FAM200B: variants seen among roughly 807,000 people sequenced by gnomAD.
FAM200B encodes zinc finger BED-type containing 11, also known as protein FAM200B.
A neutral mutation model predicts 33.1 loss-of-function variants in FAM200B; 32 were observed. That is an observed-to-expected ratio of 0.97 (90% CI 0.73 to 1.30). The LOEUF (loss-of-function observed/expected upper bound fraction) is 1.30, where lower values mean the gene tolerates loss of function less well. Ranked by LOEUF, FAM200B falls within the 50% of genes most tolerant of loss-of-function variation. The pLI, the probability that FAM200B is intolerant of heterozygous loss-of-function variation, is 0.00. For missense variants in FAM200B, 741 were observed against 754.0 expected (o/e 0.98, Z 0.20); for synonymous variants, 240 against 264.8 (o/e 0.91, Z 0.91).
chr4:15,676,661 G>A, the FAM200B span, among the ~76,000 whole-genome samples: 12 of 152,064 alleles, frequency 7.9e-5, no homozygotes, highest in Middle Eastern at 3.4e-3. Flanking sequence ...TGAGAGAAGG[G>A]TAGAGTGTGT....
chr4:15,656,352 TAGAG>T, the FAM200B span: 4 of 451,066 alleles, frequency 8.9e-6, no homozygotes, highest in African/African-American at 2.0e-5. Context: ...GCTGGACAGA[TAGAG>T]AAATAGGAGA....
chr4:15,648,071 G>C, the FAM200B span, among the ~76,000 whole-genome samples: 4 of 152,188 alleles, frequency 2.6e-5, no homozygotes, highest in East Asian at 5.8e-4. Flanking sequence ...TGGCCAAGCT[G>C]GTCTTAAAGT....
At chr4:15,656,072 A>T in the FAM200B span, among the ~76,000 whole-genome samples, 2 of 152,236 alleles carry the variant, frequency 1.3e-5, no homozygotes, top group South Asian at 4.1e-4. Flanking sequence ...CAGGTGCGGA[A>T]ATGCACCTCA....
the FAM200B span, among the ~76,000 whole-genome samples, chr4:15,643,447 C>G: frequency 2.6e-5 from 4 of 152,252 alleles, no homozygotes; most frequent in Non-Finnish European, 5.9e-5. Context: ...AAGAAAGTCT[C>G]TCTACATCAT....
At chr4:15,684,541 T>A (rs1309046317) in intron 1 of FAM200B, 2 of 152,216 alleles carry the variant, frequency 1.3e-5, no homozygotes, top group Non-Finnish European at 2.9e-5. Flanking sequence ...TGGGGGAAAG[T>A]TGAAGCATTA....
the FAM200B span, among the ~76,000 whole-genome samples, chr4:15,648,166 A>C: frequency 2.6e-5 from 4 of 152,178 alleles, no homozygotes; most frequent in African/African-American, 9.7e-5. Flanking sequence ...TACCTGTGAT[A>C]ATTTAATAAG....
chr4:15,668,022 C>T, the FAM200B span, among the ~76,000 whole-genome samples: 1 of 141,134 alleles, frequency 7.1e-6, no homozygotes, highest in Non-Finnish European at 1.5e-5. Flanking sequence ...GCCTGGGCAA[C>T]AAGAGCAAAA....
the FAM200B span, among the ~76,000 whole-genome samples, chr4:15,668,586 A>C: frequency 6.6e-6 from 1 of 152,236 alleles, no homozygotes; most frequent in African/African-American, 2.4e-5. Flanking sequence ...GGAAGTATAA[A>C]AGATTATAAT....
At chr4:15,659,735 A>C in the FAM200B span, 2 of 985,038 alleles carry the variant, frequency 2.0e-6, no homozygotes, top group Non-Finnish European at 2.4e-6. Flanking sequence ...ACCTTGCGTC[A>C]TTTACCTCTT....
rs1719178543 is a variant in FAM200B, at chr4:15,689,112, A to G, written c.*161A>G. On this transcript the variant is annotated 3_prime_UTR_variant, in exon 2 of 2. Coordinates refer to ENST00000422728, the MANE Select transcript of FAM200B (RefSeq NM_001145191.2). ...TTTATGTTCATTGAACAAAAATTTA[A>G]TGAATTTCTGTTAGAGGCCAGGAAC... 3.6e-6 allele frequency: 2 copies of G among 557,122 alleles called. No homozygotes were observed. The highest frequency in any genetic ancestry group is 2.0e-5 in the African/African-American group (1 of 50,918). 34.5% of individuals were successfully genotyped at this position (557,122 alleles called of 1,614,324 possible). A position where few individuals can be genotyped will look rare whatever the true frequency, so the allele number is the denominator to read the frequency against.
the FAM200B span, chr4:15,655,184 G>C: frequency 7.2e-7 from 1 of 1,386,208 alleles, no homozygotes; most frequent in East Asian, 3.3e-5. Flanking sequence ...CCCACAGCGG[G>C]AGGCTCAGCG....
chr4:15,642,911 TC>T, the FAM200B span, among the ~76,000 whole-genome samples: 1 of 152,206 alleles, frequency 6.6e-6, no homozygotes, highest in Non-Finnish European at 1.5e-5. Flanking sequence ...CATTTTTATT[TC>T]TTTTCTCTTC....
At chr4:15,649,338 G>C in the FAM200B span, among the ~76,000 whole-genome samples, 1 of 152,170 alleles carries the variant, frequency 6.6e-6, no homozygotes, top group African/African-American at 2.4e-5. Flanking sequence ...CCAGCACTTT[G>C]GGAGGCCGAG....
chr4:15,680,629 C>T (rs6850169), upstream of FAM200B, among the ~76,000 whole-genome samples: 103,966 of 151,840 alleles, frequency 0.68, 35,746 homozygotes, highest in East Asian at 0.8. Flanking sequence ...TGAGCCGAGG[C>T]TGCGCCACTG....
At chr4:15,645,863 A>G in the FAM200B span, among the ~76,000 whole-genome samples, 9 of 152,340 alleles carry the variant, frequency 5.9e-5, no homozygotes, top group South Asian at 6.2e-4. Context: ...TTATAAATTC[A>G]TACATTTTTT....
chr4:15,647,386 A>G, the FAM200B span, among the ~76,000 whole-genome samples: 1 of 152,170 alleles, frequency 6.6e-6, no homozygotes, highest in African/African-American at 2.4e-5. Flanking sequence ...TGTGTAAGTT[A>G]CATGCAAATA....
Position 15,686,852 on chromosome 4 carries a change from G to T in FAM200B, c.-126G>T, listed in dbSNP as rs375590593. 4.1e-6 allele frequency: 2 copies of T among 485,466 alleles called. No homozygotes were observed. Among genetic ancestry groups the T allele is most frequent in the Non-Finnish European group, 3.6e-6 (1 of 277,502 alleles). The allele number at this position is 485,466 out of a possible 1,614,324, so 30.1% of individuals were successfully genotyped here. A position where few individuals can be genotyped will look rare whatever the true frequency, so the allele number is the denominator to read the frequency against. ...ACTAGTTGTGAAGTCTGAAATATTCGATTCAATTGCAAACTTTGAGTGTAG... is the reference window on the plus strand; with the variant it reads ...ACTAGTTGTGAAGTCTGAAATATTCTATTCAATTGCAAACTTTGAGTGTAG... On this transcript the variant is annotated 5_prime_UTR_variant, in exon 2 of 2. Coordinates refer to ENST00000422728, the MANE Select transcript of FAM200B (RefSeq NM_001145191.2).
the FAM200B span, chr4:15,655,183 G>C: frequency 2.9e-6 from 4 of 1,386,068 alleles, no homozygotes; most frequent in South Asian, 2.8e-5. Flanking sequence ...GCCCACAGCG[G>C]GAGGCTCAGC....
chr4:15,687,693 C>T lies in FAM200B; in HGVS notation c.716C>T (p.Thr239Ile). Residue 239 changes from threonine (T) to isoleucine (I), a missense_variant, in exon 2 of 2, where the codon ACA becomes ATA. Thr to Ile is a moderately conservative substitution (Grantham distance 89). Coordinates refer to ENST00000422728, the MANE Select transcript of FAM200B (RefSeq NM_001145191.2). The stretch of plus-strand genomic sequence containing the variant: ...GAAAGCACTGATATTGGAAGCTGCA[C>T]AACACTTTTAGTTTATGTCAGATAT... Reference protein sequence around the residue: ...LDESTDIGSCTTLLVYVRYAW... With the variant: ...LDESTDIGSCITLLVYVRYAW... 1 of 1,551,204 alleles carries T rather than the reference C, an allele frequency of 6.4e-7. No homozygotes were observed. The highest frequency in any genetic ancestry group is 1.4e-5 in the African/African-American group (1 of 73,122).
Sources: gnomAD v4.1 joint callset for allele counts (sites outside exome capture counted in the v4.1 genomes callset) on GRCh38, gnomAD v4.1.1 for gene constraint, MANE v1.5 for transcripts, NCBI Gene and HGNC (gene_info 2026-07-23, HGNC 2026-07-21) for gene names.